The following TTC34 variants were observed in gnomAD, a reference collection of about 807,000 sequenced individuals.
TTC34 encodes the protein tetratricopeptide repeat domain 34.
In TTC34, 44 loss-of-function variants were observed where a neutral mutation model predicts 40.7. That is an observed-to-expected ratio of 1.08 (90% CI 0.85 to 1.39). TTC34 has a LOEUF of 1.39. TTC34 is among the 40% of genes most tolerant of loss of function. TTC34 has a pLI of 0.00. For missense variants in TTC34, 884 were observed against 838.0 expected (o/e 1.05, Z -0.68); for synonymous variants, 422 against 398.6 (o/e 1.06, Z -0.70).
At chr1:2,685,137 C>T (rs1337416576) in intron 6 of TTC34, among the ~76,000 whole-genome samples, 11 of 139,864 alleles carry the variant, frequency 7.9e-5, no homozygotes, top group East Asian at 2.2e-4. Context: ...GAGCATCGGA[C>T]GGCCTGGAAC....
At chr1:2,790,909 G>A (rs1228123377) in intron 2 of TTC34, among the ~76,000 whole-genome samples, 1 of 152,194 alleles carries the variant, frequency 6.6e-6, no homozygotes, top group African/African-American at 2.4e-5. Context: ...GACTGGAGGG[G>A]CATGCCCTGC....
intron 6 of TTC34, among the ~76,000 whole-genome samples, chr1:2,755,503 C>A (rs1641474105): frequency 1.1e-5 from 1 of 89,658 alleles, no homozygotes; most frequent in Non-Finnish European, 2.0e-5. Flanking sequence ...CACCCCACAC[C>A]CACAGGTGAG....
intron 6 of TTC34, among the ~76,000 whole-genome samples, chr1:2,768,457 A>C (rs1569747894): frequency 6.6e-6 from 1 of 150,700 alleles, no homozygotes; most frequent in Non-Finnish European, 1.5e-5. Flanking sequence ...AGAACCCCAC[A>C]ACTTCAAATA....
intron 2 of TTC34, among the ~76,000 whole-genome samples, chr1:2,792,959 G>T (rs117404462): frequency 1.3e-5 from 2 of 152,186 alleles, no homozygotes; most frequent in Admixed American, 1.3e-4. Context: ...ATGTGGTTAC[G>T]AATCCATGCC....
chr1:2,656,330 T>C (rs1331674711), intron 6 of TTC34, among the ~76,000 whole-genome samples: 1,308 of 26,090 alleles, frequency 0.05, no homozygotes, highest in Middle Eastern at 0.089. Context: ...GCAACAGCAC[T>C]CACACCCCCA....
intron 6 of TTC34, among the ~76,000 whole-genome samples, chr1:2,652,500 T>G (rs1379132448): frequency 2.9e-3 from 411 of 141,572 alleles, no homozygotes; most frequent in Middle Eastern, 0.021. Context: ...GGCGAGCATC[T>G]GACGGCCTGC....
intron 6 of TTC34, among the ~76,000 whole-genome samples, chr1:2,751,122 CTGT>C (rs1641304958): frequency 8.7e-6 from 1 of 114,716 alleles, no homozygotes; most frequent in Non-Finnish European, 1.7e-5. Context: ...GAACAGCACC[CTGT>C]ACCCCCAGGG....
chr1:2,684,395 C>A (rs1329147974), intron 6 of TTC34, among the ~76,000 whole-genome samples: 1 of 139,700 alleles, frequency 7.2e-6, no homozygotes, highest in African/African-American at 2.8e-5. Flanking sequence ...AGAATCCACA[C>A]CCCCAGGTGA....
At chr1:2,699,365 CG>C (rs1400079060) in intron 6 of TTC34, among the ~76,000 whole-genome samples, 12 of 89,698 alleles carry the variant, frequency 1.3e-4, no homozygotes, top group East Asian at 3.7e-4. Context: ...GGAACAGCAC[CG>C]CACACCCGCA....
chr1:2,787,388 T>C, intron 4 of TTC34, 93 bp downstream of exon 4: 1 of 1,198,782 alleles, frequency 8.3e-7, no homozygotes, highest in South Asian at 1.8e-5. Flanking sequence ...GCCCAGACTG[T>C]GGGGTCCAGC....
At chr1:2,750,285 CCCAGGTGAGCATCTG>C (rs1641272720) in intron 6 of TTC34, among the ~76,000 whole-genome samples, 1 of 114,470 alleles carries the variant, frequency 8.7e-6, no homozygotes, top group African/African-American at 3.9e-5. Context: ...AGCCCAGACC[CCCAGGTGAGCATCTG>C]ACAGACTGGA....
chr1:2,751,309 G>GACAGTC (rs1641311107), intron 6 of TTC34, among the ~76,000 whole-genome samples: 1 of 12,366 alleles, frequency 8.1e-5, no homozygotes. Flanking sequence ...ATCCGACACC[G>GACAGTC]TGGAGCAGAA....
intron 6 of TTC34, among the ~76,000 whole-genome samples, chr1:2,748,915 C>A (rs1641230070): frequency 8.3e-6 from 1 of 119,784 alleles, no homozygotes. Flanking sequence ...GGAACAGAAC[C>A]CACACCGCCA....
rs1018784951 is a variant in TTC34, at chr1:2,785,947, C to T, written c.1931G>A (p.Arg644Gln). Residue 644 changes from arginine (R) to glutamine (Q), a missense_variant, in exon 5 of 9, where the codon CGG becomes CAG. Coordinates refer to ENST00000401095, the Ensembl canonical transcript of TTC34. The stretch of plus-strand genomic sequence containing the variant: ...GTGGCAGTGGCCTTGAAGCAGCTGC[C>T]GGTCCTCGTGGCAGAAGACGTCCAG... 5.1e-5 allele frequency: 77 copies of T among 1,523,596 alleles called. No homozygotes were observed. The highest frequency in any genetic ancestry group is 6.2e-5 in the Admixed American group (3 of 48,304). 94.4% of individuals were successfully genotyped at this position (1,523,596 alleles called of 1,614,324 possible). A position where few individuals can be genotyped will look rare whatever the true frequency, so the allele number is the denominator to read the frequency against.
rs145088425 is a variant in TTC34, at chr1:2,786,693, C to T, written c.1855-670G>A. ...GCGCCAGGGAGTCCTTCAGACGACG[C>T]GGAGCAAAAGCCCAGCACGGCCAAG... is the stretch of plus-strand genomic sequence containing the variant. On this transcript the variant is annotated intron_variant, in intron 4 of 8. Coordinates refer to ENST00000401095, the Ensembl canonical transcript of TTC34. Among the ~76,000 whole-genome samples, 178 of 152,258 alleles carry T rather than the reference C, an allele frequency of 1.2e-3. 2 individuals are homozygous for T. The highest frequency in any genetic ancestry group is 4.0e-3 in the African/African-American group (165 of 41,568).
chr1:2,681,111 T>C (rs1172289936), intron 6 of TTC34, among the ~76,000 whole-genome samples: 239 of 52,930 alleles, frequency 4.5e-3, no homozygotes, highest in Non-Finnish European at 5.7e-3. Flanking sequence ...CACCCCCAGG[T>C]GAGCATCTGA....
At position 2,789,501 on chromosome 1, in the gene TTC34, AC is replaced by A; in HGVS notation, c.1628+1del. 1 of 1,505,278 alleles carries A rather than the reference AC, an allele frequency of 6.6e-7. No individual in the cohort carries two copies. The highest frequency in any genetic ancestry group is 2.1e-5 in the Admixed American group (1 of 47,766). The allele number at this position is 1,505,278 out of a possible 1,614,324, so 93.2% of individuals were successfully genotyped here. On this transcript the variant is annotated splice_donor_variant, in intron 3 of 8. Coordinates refer to ENST00000401095, the Ensembl canonical transcript of TTC34. LOFTEE classifies it high-confidence loss of function. ...CCCCAGCGTGCCCGGGCGGGTCCTCACCCCTCCTGCGTGGTGGGGCCGCCCG... is the reference window on the plus strand; with the variant it reads ...CCCCAGCGTGCCCGGGCGGGTCCTCACCCTCCTGCGTGGTGGGGCCGCCCG...
At chr1:2,748,586 G>C (rs1641221254) in intron 6 of TTC34, among the ~76,000 whole-genome samples, 1 of 150,528 alleles carries the variant, frequency 6.6e-6, no homozygotes, top group African/African-American at 2.5e-5. Context: ...TGACAGCCTG[G>C]AGCAGCACCC....
At chr1:2,800,458 G>A (rs778593014) in exon 2 of TTC34, 77 of 398,520 alleles carry the variant, frequency 1.9e-4, no homozygotes, top group East Asian at 5.3e-4. Context: ...GCGCTGCAGC[G>A]TTGCACCACT....
Sources: gnomAD v4.1 joint callset for allele counts (sites outside exome capture counted in the v4.1 genomes callset) on GRCh38, gnomAD v4.1.1 for gene constraint, MANE v1.5 for transcripts, NCBI Gene and HGNC (gene_info 2026-07-23, HGNC 2026-07-21) for gene names.